The following ITGA9 variants were observed in gnomAD, a reference collection of about 807,000 sequenced individuals.
The protein encoded by ITGA9 is integrin subunit alpha 9.
ITGA9 carries 56 observed loss-of-function variants against 127.8 expected under a neutral mutation model. That is an observed-to-expected ratio of 0.44 (90% CI 0.35 to 0.55). The LOEUF (loss-of-function observed/expected upper bound fraction) is 0.55, where lower values mean the gene tolerates loss of function less well. Among genes scored for constraint, ITGA9 ranks in the 20% least tolerant of loss-of-function variants. The pLI is 0.00. For missense variants in ITGA9, 1,196 were observed against 1,347.1 expected (o/e 0.89, Z 1.76); for synonymous variants, 508 against 514.5 (o/e 0.99, Z 0.17).
At chr3:37,685,405 G>A (rs922046026) in intron 18 of ITGA9, among the ~76,000 whole-genome samples, 1 of 152,202 alleles carries the variant, frequency 6.6e-6, no homozygotes, top group Admixed American at 6.5e-5. Flanking sequence ...CAGGAGGGGT[G>A]TGCTTTCCAT....
intron 23 of ITGA9, among the ~76,000 whole-genome samples, chr3:37,772,168 G>T (rs774406919): frequency 8.5e-5 from 13 of 152,240 alleles, no homozygotes; most frequent in Non-Finnish European, 1.8e-4. Context: ...CACTTTGGGA[G>T]GCCAAGGCAG....
intron 1 of ITGA9, among the ~76,000 whole-genome samples, chr3:37,465,127 G>A (rs1012473183): frequency 6.6e-6 from 1 of 152,218 alleles, no homozygotes; most frequent in African/African-American, 2.4e-5. Flanking sequence ...AATTTTGCCT[G>A]TGGAATCGCT....
chr3:37,589,285 G>A (rs1158425692), intron 15 of ITGA9, among the ~76,000 whole-genome samples: 2 of 152,262 alleles, frequency 1.3e-5, no homozygotes, highest in East Asian at 1.9e-4. Flanking sequence ...GCTGCCATTC[G>A]TTCATTCACT....
At chr3:37,571,197 A>C (rs1699598680) in intron 15 of ITGA9, among the ~76,000 whole-genome samples, 1 of 152,042 alleles carries the variant, frequency 6.6e-6, no homozygotes, top group Non-Finnish European at 1.5e-5. Flanking sequence ...CAGGGCAGGG[A>C]GATCTACTGG....
intron 18 of ITGA9, among the ~76,000 whole-genome samples, chr3:37,700,774 G>T (rs535773833): frequency 1.3e-5 from 2 of 152,266 alleles, no homozygotes; most frequent in African/African-American, 2.4e-5. Flanking sequence ...TAGAAGATGG[G>T]TATATCTATC....
chr3:37,743,100 T>C (rs1317557140), intron 21 of ITGA9, among the ~76,000 whole-genome samples: 4 of 152,140 alleles, frequency 2.6e-5, no homozygotes. Context: ...AACAAATGAG[T>C]CAACCTCTGA....
At chr3:37,701,640 T>A (rs1345211436) in intron 18 of ITGA9, among the ~76,000 whole-genome samples, 1 of 152,298 alleles carries the variant, frequency 6.6e-6, no homozygotes, top group East Asian at 1.9e-4. Flanking sequence ...AGCAGTTTTA[T>A]GACAAGAAAA....
At position 37,599,741 on chromosome 3, in the gene ITGA9, T is replaced by G. The variant is rs1699899840; in HGVS notation, c.1690-29446T>G. 2.6e-5 allele frequency among the ~76,000 whole-genome samples: 4 copies of G among 152,230 alleles called. No individual in the cohort carries two copies. In the South Asian group the frequency reaches 8.3e-4, roughly 31 times the overall value. ...AATGAAAACACTGATAGAATCTATC[T>G]CACAAGATCATTTTGAGGTAAATGC... On this transcript the variant is annotated intron_variant, in intron 15 of 27. Transcript: ENST00000264741.
At chr3:37,714,064 CA>C (rs1196369618) in intron 18 of ITGA9, among the ~76,000 whole-genome samples, 2 of 152,210 alleles carry the variant, frequency 1.3e-5, no homozygotes, top group Admixed American at 1.3e-4. Flanking sequence ...AGGACAGTCA[CA>C]GGGGTGGAAC....
intron 26 of ITGA9, among the ~76,000 whole-genome samples, chr3:37,796,007 C>T (rs144477677): frequency 1.3e-5 from 2 of 152,290 alleles, no homozygotes; most frequent in African/African-American, 4.8e-5. Context: ...GGAGATCTTA[C>T]TGCAGCCTCC....
At chr3:37,706,770 T>A (rs1202084342) in intron 18 of ITGA9, among the ~76,000 whole-genome samples, 1 of 152,180 alleles carries the variant, frequency 6.6e-6, no homozygotes, top group Non-Finnish European at 1.5e-5. Context: ...TCATAAACCA[T>A]TTCTGACCCT....
At position 37,743,963 on chromosome 3, in the gene ITGA9, G is replaced by A. The variant is rs140716372; in HGVS notation, c.2362G>A (p.Val788Met). Reference protein sequence around the residue: ...SPTSFVYGESVDAANFIQLDD... With the variant: ...SPTSFVYGESMDAANFIQLDD... ...AACCTCCTTTGTATATGGCGAGTCC[G>A]TGGACGCAGCCAACTTCATTCAGCT... Residue 788 changes from valine to methionine, a missense_variant, in exon 22 of 28, where the codon GTG becomes ATG. Physicochemically the swap from Val to Met is conservative, Grantham distance 21 (BLOSUM62 1). Coordinates refer to ENST00000264741, the MANE Select transcript of ITGA9 (RefSeq NM_002207.3). The A allele has an allele frequency of 3.6e-3, 5,781 of 1,613,984 alleles. 21 individuals are homozygous for A. The highest frequency in any genetic ancestry group is 8.4e-3 in the Middle Eastern group (51 of 6,062).
At position 37,758,596 on chromosome 3, in the gene ITGA9, A is replaced by G. The variant is rs1424159468; in HGVS notation, c.2541+8027A>G. ...TTATTACATTTCCAGTAAGGAAAGC[A>G]TAGAAGACTTCCTCAACTTGACAAA... On this transcript the variant is annotated intron_variant, in intron 23 of 27. Coordinates refer to ENST00000264741, the MANE Select transcript of ITGA9 (RefSeq NM_002207.3). 4.0e-5 allele frequency among the ~76,000 whole-genome samples: 6 copies of G among 149,558 alleles called. No homozygotes were observed. The South Asian group carries it at 8.3e-4, about 21-fold the overall frequency.
At chr3:37,648,116 G>A (rs1700396954) in intron 16 of ITGA9, among the ~76,000 whole-genome samples, 1 of 151,856 alleles carries the variant, frequency 6.6e-6, no homozygotes, top group African/African-American at 2.4e-5. Flanking sequence ...TTTTCATAAT[G>A]GCTGTACCAA....
intron 27 of ITGA9, among the ~76,000 whole-genome samples, chr3:37,818,025 G>A (rs1559607802): frequency 1.3e-5 from 2 of 151,956 alleles, no homozygotes; most frequent in South Asian, 2.1e-4. Context: ...AGCCTCTCAC[G>A]TGAGAGCAGT....
chr3:37,654,987 A>C (rs941830561), intron 17 of ITGA9, among the ~76,000 whole-genome samples: 5 of 152,068 alleles, frequency 3.3e-5, no homozygotes, highest in East Asian at 1.9e-4. Context: ...ATAATGGTTT[A>C]CACCTTCATC....
intron 15 of ITGA9, among the ~76,000 whole-genome samples, chr3:37,613,961 T>C (rs1700049212): frequency 6.6e-6 from 1 of 152,362 alleles, no homozygotes; most frequent in East Asian, 1.9e-4. Context: ...AGAAGCTCTT[T>C]AGTTCAATTA....
chr3:37,770,142 A>G (rs575469308), intron 23 of ITGA9, among the ~76,000 whole-genome samples: 3 of 152,188 alleles, frequency 2.0e-5, no homozygotes, highest in Non-Finnish European at 4.4e-5. Context: ...TTGAACCTCA[A>G]AAATGTCCCA....
chr3:37,785,198 G>A, intron 26 of ITGA9, 120 bp downstream of exon 26: 1 of 772,434 alleles, frequency 1.3e-6, no homozygotes. Flanking sequence ...TGGGTTTGTG[G>A]CAGACCCAAG....
Sources: allele counts gnomAD v4.1 joint callset (sites outside exome capture counted in the v4.1 genomes callset), GRCh38; gene constraint gnomAD v4.1.1; transcripts MANE v1.5; gene names NCBI Gene and HGNC (gene_info 2026-07-23, HGNC 2026-07-21).